Variants in PAPPA2 observed in about 807,000 individuals in gnomAD.
PAPPA2 encodes the protein pappalysin-2.
In PAPPA2, 86 loss-of-function variants were observed where a neutral mutation model predicts 176.4. The observed-to-expected ratio is 0.49, with a 90% CI of 0.41 to 0.58. The LOEUF (loss-of-function observed/expected upper bound fraction) is 0.58. Ranked by LOEUF, PAPPA2 falls within the 20% of genes least tolerant of loss-of-function variation. The pLI is 0.00. For missense variants in PAPPA2, 2,073 were observed against 2,256.9 expected, an observed-to-expected ratio of 0.92 and a Z score of 1.65; for synonymous variants, 809 against 852.2, an observed-to-expected ratio of 0.95 and a Z score of 0.88.
chr1:176,622,000 G>A (rs955209178), intron 3 of PAPPA2, among the ~76,000 whole-genome samples: 4 of 151,730 alleles, frequency 2.6e-5, no homozygotes, highest in African/African-American at 9.7e-5. Flanking sequence ...ATAGAATTAG[G>A]GTTTAGAACA....
chr1:176,791,617 A>T, intron 19 of PAPPA2, 135 bp downstream of exon 19: 1 of 1,019,012 alleles, frequency 9.8e-7, no homozygotes, highest in East Asian at 2.7e-5. Flanking sequence ...GCAGTGGCAC[A>T]GTCTCAGCTC....
At chr1:176,802,561 T>G (rs1228418463) in intron 21 of PAPPA2, among the ~76,000 whole-genome samples, 1 of 152,124 alleles carries the variant, frequency 6.6e-6, no homozygotes, top group Non-Finnish European at 1.5e-5. Flanking sequence ...GAGAGGAAGC[T>G]TTTAAAAGTG....
At chr1:176,763,612 TTTCCTC>T (rs1260991655) in intron 14 of PAPPA2, among the ~76,000 whole-genome samples, 4 of 152,162 alleles carry the variant, frequency 2.6e-5, no homozygotes, top group African/African-American at 9.6e-5. Context: ...AAGAGTCAGT[TTTCCTC>T]TTCAGAGTGT....
At chr1:176,513,042 C>G (rs1648704267) in intron 1 of PAPPA2, among the ~76,000 whole-genome samples, 1 of 152,176 alleles carries the variant, frequency 6.6e-6, no homozygotes, top group African/African-American at 2.4e-5. Context: ...ACCATCAGCT[C>G]TCTTGCTTCC....
At chr1:176,555,133 C>G (rs1350040581) in intron 1 of PAPPA2, among the ~76,000 whole-genome samples, 1 of 151,980 alleles carries the variant, frequency 6.6e-6, no homozygotes, top group East Asian at 1.9e-4. Flanking sequence ...CTGGGGAAAC[C>G]AAGAGTAGCG....
chr1:176,829,435 C>T (rs1667000678), intron 21 of PAPPA2, among the ~76,000 whole-genome samples: 1 of 152,234 alleles, frequency 6.6e-6, no homozygotes, highest in Admixed American at 6.5e-5. Context: ...GCTGGCCTGC[C>T]TGGCATGTGC....
intron 3 of PAPPA2, among the ~76,000 whole-genome samples, chr1:176,595,871 CAGGT>C (rs1041911359): frequency 9.1e-4 from 138 of 152,266 alleles, no homozygotes; most frequent in African/African-American, 3.2e-3. Flanking sequence ...GCATATGCAC[CAGGT>C]ACTTGGGACA....
At chr1:176,789,430 A>G (rs1357921229) in intron 17 of PAPPA2, among the ~76,000 whole-genome samples, 1 of 152,114 alleles carries the variant, frequency 6.6e-6, no homozygotes, top group Non-Finnish European at 1.5e-5. Context: ...GAGGGATAGC[A>G]TTAGGAGATA....
intron 1 of PAPPA2, among the ~76,000 whole-genome samples, chr1:176,481,774 G>A (rs1006370590): frequency 1.1e-4 from 16 of 152,008 alleles, no homozygotes; most frequent in South Asian, 1.0e-3. Flanking sequence ...CCGCGATCTC[G>A]GCTCACTGCA....
At chr1:176,737,773 A>T (rs928895474) in intron 12 of PAPPA2, among the ~76,000 whole-genome samples, 1 of 152,098 alleles carries the variant, frequency 6.6e-6, no homozygotes, top group Non-Finnish European at 1.5e-5. Context: ...TAGGAGATGA[A>T]AAATAGGTTG....
intron 12 of PAPPA2, among the ~76,000 whole-genome samples, chr1:176,727,502 A>G (rs1661936991): frequency 6.6e-6 from 1 of 152,114 alleles, no homozygotes; most frequent in Admixed American, 6.5e-5. Flanking sequence ...AATTTCTAAA[A>G]TAGACATAAT....
intron 3 of PAPPA2, among the ~76,000 whole-genome samples, chr1:176,631,163 C>T (rs1213483925): frequency 6.6e-6 from 1 of 151,992 alleles, no homozygotes; most frequent in Non-Finnish European, 1.5e-5. Context: ...AGTATGGGGT[C>T]AATAAACAAA....
intron 6 of PAPPA2, among the ~76,000 whole-genome samples, chr1:176,692,818 T>TC (rs1660178768): frequency 6.6e-6 from 1 of 152,056 alleles, no homozygotes; most frequent in African/African-American, 2.4e-5. Context: ...CTCCTGTGCC[T>TC]CCCCCTCTTA....
Position 176,594,875 on chromosome 1 carries a change from G to A in PAPPA2, c.1271G>A (p.Gly424Asp). 2 of 1,614,198 alleles carry A rather than the reference G, an allele frequency of 1.2e-6. No individual in the cohort carries two copies. ...GGGCACTATTTCCGTGGACACCTGG[G>A]CACACTGGTTTTCTGGTCGACCGCC... is the stretch of plus-strand genomic sequence containing the variant. ...EDGHYFRGHL[G>D]TLVFWSTALP... is the part of the protein sequence containing the mutation. The change falls in exon 3 of 23, where the codon GGC (glycine) becomes GAC (aspartate). Residue 424 changes from glycine to aspartate, a missense_variant. By Grantham distance (94) the Gly-to-Asp change is moderately conservative. Around this residue, in one of 4 missense-constraint regions of PAPPA2, gnomAD observed 1,196 missense variants for 1,330.4 expected, o/e 0.90. Coordinates refer to ENST00000367662, the MANE Select transcript of PAPPA2 (RefSeq NM_020318.3).
intron 3 of PAPPA2, among the ~76,000 whole-genome samples, chr1:176,622,418 G>A (rs978236680): frequency 6.6e-6 from 1 of 152,142 alleles, no homozygotes; most frequent in Non-Finnish European, 1.5e-5. Context: ...CAACAAATTT[G>A]TGCTAAATAA....
intron 1 of PAPPA2, chr1:176,537,348 A>G (rs1338881512): frequency 6.6e-6 from 1 of 152,242 alleles, no homozygotes; most frequent in Non-Finnish European, 1.5e-5. Flanking sequence ...TAGAAAGTGA[A>G]GGTACTGAAA....
At chr1:176,610,696 A>T (rs1259505179) in intron 3 of PAPPA2, among the ~76,000 whole-genome samples, 2 of 152,192 alleles carry the variant, frequency 1.3e-5, no homozygotes, top group Non-Finnish European at 2.9e-5. Context: ...AGTGGTGATG[A>T]TTAAGATAGT....
Position 176,739,626 on chromosome 1 carries a change from G to A in PAPPA2, c.3799G>A (p.Val1267Met). The A allele has an allele frequency of 6.2e-7, 1 of 1,612,626 alleles. No individual in the cohort carries two copies. ...LKKEDEVWLK[V>M]CFNRPGEARA... ...TATACATAAATGTGCTTATGCTTAG[G>A]TGTGTTTCAATAGACCAGGAGAGGC... Residue 1267 changes from valine to methionine, a missense_variant and splice_region_variant, in exon 13 of 23, where the codon GTG (valine) becomes ATG (methionine). Physicochemically the swap from Val to Met is conservative, Grantham distance 21 (BLOSUM62 1). This residue lies in a region of PAPPA2 where 846 missense variants were observed against 857.9 expected (regional missense o/e 0.99). Transcript: ENST00000367662.
rs1374720633 is a variant in PAPPA2 at position 176,588,085 on chromosome 1, C to A, written c.920-6439C>A. On this transcript the variant is annotated intron_variant, in intron 2 of 22. Coordinates refer to ENST00000367662, the MANE Select transcript of PAPPA2 (RefSeq NM_020318.3). ...ATTTGTTTGTGTCCTCTCTTATATCCTTGAGCAGTGGTTTGTAGTTCTTCT... is the reference window on the plus strand; with the variant it reads ...ATTTGTTTGTGTCCTCTCTTATATCATTGAGCAGTGGTTTGTAGTTCTTCT... Among the ~76,000 whole-genome samples, 3 of 152,212 alleles carry A rather than the reference C, an allele frequency of 2.0e-5. No individual in the cohort carries two copies. The East Asian group carries it at 5.8e-4, about 29-fold the overall frequency.
Sources: allele counts gnomAD v4.1 joint callset (sites outside exome capture counted in the v4.1 genomes callset), GRCh38; gene constraint gnomAD v4.1.1; regional missense constraint gnomAD v4.1.1; transcripts MANE v1.5; gene names NCBI Gene and HGNC (gene_info 2026-07-23, HGNC 2026-07-21).